Variants in GMDS observed in about 807,000 individuals in gnomAD.
GMDS encodes GDP-mannose 4,6-dehydratase, also known as GDP-mannose 4,6 dehydratase.
A neutral mutation model predicts 49.9 loss-of-function variants in GMDS; 20 were observed. The ratio of observed to expected loss-of-function variants is 0.40; its 90% CI spans 0.28 to 0.58. GMDS has a LOEUF of 0.58. Among genes scored for constraint, GMDS ranks in the 20% least tolerant of loss-of-function variants. The probability of loss-of-function intolerance (pLI) is 0.42; values close to 1 mark genes in which losing one functional copy is unlikely to be tolerated. For synonymous variants in GMDS, 177 were observed against 178.6 expected, an observed-to-expected ratio of 0.99 and a Z score of 0.07; for missense variants, 362 against 481.4, an observed-to-expected ratio of 0.75 and a Z score of 2.32.
chr6:1,716,604 G>A (rs1000463895), intron 9 of GMDS, among the ~76,000 whole-genome samples: 2 of 152,210 alleles, frequency 1.3e-5, no homozygotes, highest in Admixed American at 6.5e-5. Context: ...GTGAGAGAAG[G>A]CCTGGCCAGG....
At chr6:2,014,700 TCA>T (rs1474961747) in intron 4 of GMDS, among the ~76,000 whole-genome samples, 1 of 152,066 alleles carries the variant, frequency 6.6e-6, no homozygotes, top group African/African-American at 2.4e-5. Flanking sequence ...GATGCAAATA[TCA>T]CAGATATTAA....
At chr6:2,129,574 T>G (rs1775626593) in intron 1 of GMDS, among the ~76,000 whole-genome samples, 2 of 152,160 alleles carry the variant, frequency 1.3e-5, no homozygotes, top group Non-Finnish European at 2.9e-5. Context: ...ATCTCAGGCA[T>G]CAGGAAATAG....
At chr6:1,702,957 G>A (rs895334280) in intron 9 of GMDS, among the ~76,000 whole-genome samples, 60 of 152,280 alleles carry the variant, frequency 3.9e-4, no homozygotes, top group African/African-American at 1.4e-3. Context: ...ATCACTCTCC[G>A]TGAGGATTTC....
intron 4 of GMDS, among the ~76,000 whole-genome samples, chr6:2,062,299 T>C (rs1285757480): frequency 6.6e-6 from 1 of 152,146 alleles, no homozygotes; most frequent in East Asian, 1.9e-4. Flanking sequence ...CTTCAATAAA[T>C]AGATCTATCT....
intron 9 of GMDS, among the ~76,000 whole-genome samples, chr6:1,695,040 G>A (rs1765290783): frequency 6.6e-6 from 1 of 151,412 alleles, no homozygotes; most frequent in African/African-American, 2.4e-5. Context: ...AAAACACAGA[G>A]AACAGAGTCA....
chr6:1,913,477 TTTGGTAGCAA>T (rs1761188922), intron 7 of GMDS, among the ~76,000 whole-genome samples: 1 of 151,726 alleles, frequency 6.6e-6, no homozygotes, highest in Non-Finnish European at 1.5e-5. Flanking sequence ...GCCAAGGAAA[TTTGGTAGCAA>T]ACTATCTAAA....
chr6:2,214,537 G>A lies in GMDS; in HGVS notation c.102+30784C>T, dbSNP rs568588484. 3.9e-5 allele frequency among the ~76,000 whole-genome samples: 6 copies of A among 152,262 alleles called. No homozygotes were observed. In the South Asian group the frequency reaches 1.2e-3, roughly 32 times the overall value. ...TGATTTATCATACATAGCAGAATGT[G>A]TGCAGGTTACATGCAAATATTATGC... On this transcript the variant is annotated intron_variant, in intron 1 of 10. Coordinates refer to ENST00000380815, the MANE Select transcript of GMDS (RefSeq NM_001500.4).
At chr6:2,113,227 C>T (rs761865267) in intron 4 of GMDS, among the ~76,000 whole-genome samples, 2 of 152,104 alleles carry the variant, frequency 1.3e-5, no homozygotes, top group Non-Finnish European at 2.9e-5. Flanking sequence ...TCCCTCTTCT[C>T]TAGTGACCAC....
chr6:1,892,891 T>C (rs1446426706), intron 7 of GMDS, among the ~76,000 whole-genome samples: 1 of 152,192 alleles, frequency 6.6e-6, no homozygotes, highest in Non-Finnish European at 1.5e-5. Context: ...TGCTCCCAGA[T>C]AAGACCGCTG....
intron 9 of GMDS, among the ~76,000 whole-genome samples, chr6:1,675,167 C>G (rs1764575236): frequency 6.6e-6 from 1 of 151,778 alleles, no homozygotes; most frequent in African/African-American, 2.4e-5. Flanking sequence ...CAACTCCTGA[C>G]CTCAGGTGAT....
chr6:1,729,017 G>A (rs1766693879), intron 8 of GMDS, among the ~76,000 whole-genome samples: 1 of 151,690 alleles, frequency 6.6e-6, no homozygotes, highest in Admixed American at 6.6e-5. Flanking sequence ...TGGCCCACAG[G>A]CTCCAGTTGC....
chr6:2,027,547 T>A (rs953801226), intron 4 of GMDS, among the ~76,000 whole-genome samples: 6 of 152,092 alleles, frequency 3.9e-5, no homozygotes, highest in Non-Finnish European at 8.8e-5. Context: ...AGAGAAATCA[T>A]CAACATAATG....
At chr6:1,837,594 T>C (rs3800091) in intron 7 of GMDS, among the ~76,000 whole-genome samples, 73,091 of 152,004 alleles carry the variant, frequency 0.48, 20,801 homozygotes, top group Non-Finnish European at 0.63. Context: ...AGGAAGTTAC[T>C]GGGAAAATTC....
chr6:2,156,745 T>C (rs958120905), intron 1 of GMDS, among the ~76,000 whole-genome samples: 1 of 152,230 alleles, frequency 6.6e-6, no homozygotes, highest in African/African-American at 2.4e-5. Context: ...GTAGATATTA[T>C]GTTTATCTCT....
At chr6:2,177,622 A>T (rs1778343272) in intron 1 of GMDS, among the ~76,000 whole-genome samples, 1 of 152,138 alleles carries the variant, frequency 6.6e-6, no homozygotes, top group African/African-American at 2.4e-5. Flanking sequence ...ACACAGAAAA[A>T]GTTTTCGATA....
At chr6:1,746,996 A>G (rs1322356877) in intron 7 of GMDS, among the ~76,000 whole-genome samples, 1 of 152,158 alleles carries the variant, frequency 6.6e-6, no homozygotes, top group Non-Finnish European at 1.5e-5. Flanking sequence ...CACCGCTCCC[A>G]GCCTACAAAA....
At chr6:1,968,824 C>T (rs1764414236) in intron 4 of GMDS, among the ~76,000 whole-genome samples, 1 of 152,156 alleles carries the variant, frequency 6.6e-6, no homozygotes, top group Non-Finnish European at 1.5e-5. Flanking sequence ...AGATCACAAA[C>T]AGCCCCTACC....
At chr6:2,201,204 G>A in intron 1 of GMDS, among the ~76,000 whole-genome samples, 1 of 125,348 alleles carries the variant, frequency 8.0e-6, no homozygotes, top group South Asian at 3.0e-4. Flanking sequence ...TGAAGAGAGA[G>A]CACCACATGG....
At chr6:1,824,114 A>G (rs1283991679) in intron 7 of GMDS, among the ~76,000 whole-genome samples, 2 of 152,232 alleles carry the variant, frequency 1.3e-5, no homozygotes, top group East Asian at 3.9e-4. Context: ...CAACTAGTGC[A>G]AGCCTGAGGC....
Sources: gnomAD v4.1 joint callset for allele counts (sites outside exome capture counted in the v4.1 genomes callset) on GRCh38, gnomAD v4.1.1 for gene constraint, MANE v1.5 for transcripts, NCBI Gene and HGNC (gene_info 2026-07-23, HGNC 2026-07-21) for gene names.